MYOT: variants seen among roughly 807,000 people sequenced by gnomAD.
MYOT encodes myotilin.
A neutral mutation model predicts 58.0 loss-of-function variants in MYOT; 36 were observed. The observed-to-expected ratio is 0.62, with a 90% CI of 0.48 to 0.82. MYOT has a LOEUF of 0.82. Among genes scored for constraint, MYOT ranks in the 40% least tolerant of loss-of-function variants. The pLI is 0.00. For missense variants in MYOT, 505 were observed against 592.1 expected (o/e 0.85, Z 1.53); for synonymous variants, 218 against 204.6 (o/e 1.07, Z -0.56).
rs370165036 is a variant in MYOT, at chr5:137,877,551, G to T, written c.563G>T (p.Arg188Ile). 3.7e-6 allele frequency: 6 copies of T among 1,613,764 alleles called. No individual in the cohort carries two copies. Among genetic ancestry groups the T allele is most frequent in the Non-Finnish European group, 5.1e-6 (6 of 1,179,844 alleles). ...RLTYEEKMAR[R>I]LLGPQNAAAV... is the part of the protein sequence containing the mutation. Reference sequence around the variant, plus strand: ...ACATATGAAGAGAAGATGGCTCGCAGATTGCTAGGACCACAGAATGCAGCT... The same window carrying T: ...ACATATGAAGAGAAGATGGCTCGCATATTGCTAGGACCACAGAATGCAGCT... The change falls in exon 4 of 10, where the codon AGA becomes ATA. Residue 188 changes from arginine (R) to isoleucine (I), a missense_variant. By Grantham distance (97) the Arg-to-Ile change is moderately conservative (BLOSUM62 -3). Coordinates refer to ENST00000239926, the MANE Select transcript of MYOT (RefSeq NM_006790.3).
chr5:137,882,201 T>A, intron 6 of MYOT, 96 bp downstream of exon 6: 1 of 1,351,662 alleles, frequency 7.4e-7, no homozygotes, highest in Non-Finnish European at 1.1e-6. Context: ...TGCAAAGCAG[T>A]ACGTACAATG....
chr5:137,887,407 A>T lies in MYOT; in HGVS notation c.*22A>T. On this transcript the variant is annotated 3_prime_UTR_variant, in exon 10 of 10. Transcript: ENST00000239926. ...TTAATAACTTTACCAACATTGGAAA[A>T]CAGCCAACTACACCATTAGTAATAT... The T allele has an allele frequency of 6.2e-7, 1 of 1,609,370 alleles. No individual in the cohort carries two copies. Among genetic ancestry groups the T allele is most frequent in the Non-Finnish European group, 8.5e-7 (1 of 1,175,918 alleles).
intron 3 of MYOT, among the ~76,000 whole-genome samples, chr5:137,877,205 A>G (rs1755254930): frequency 6.6e-6 from 1 of 151,914 alleles, no homozygotes; most frequent in South Asian, 2.1e-4. Context: ...CGTCTCTACT[A>G]AAAATACAAA....
chr5:137,880,748 C>A, intron 4 of MYOT, 68 bp from the exon 5 acceptor site: 2 of 1,262,222 alleles, frequency 1.6e-6, no homozygotes, highest in Non-Finnish European at 2.3e-6. Context: ...TCAACTGTAA[C>A]TACTTAATTC....
At chr5:137,883,650 A>G (rs762379783) in intron 7 of MYOT, 59 bp downstream of exon 7, 45 of 1,488,950 alleles carry the variant, frequency 3.0e-5, no homozygotes, top group Non-Finnish European at 4.1e-5. Flanking sequence ...TGAAAAAAAG[A>G]AAGTATTTTA....
intron 9 of MYOT, 55 bp from the exon 10 acceptor site, chr5:137,887,158 G>T: frequency 1.2e-6 from 2 of 1,606,582 alleles, no homozygotes; most frequent in South Asian, 1.1e-5. Flanking sequence ...TACCTAGTGT[G>T]ACCAATTTGG....
intron 4 of MYOT, among the ~76,000 whole-genome samples, chr5:137,879,118 A>G (rs927212171): frequency 6.6e-6 from 1 of 152,090 alleles, no homozygotes; most frequent in Non-Finnish European, 1.5e-5. Flanking sequence ...ATTTTTTAGC[A>G]GAGACGGTGA....
chr5:137,868,627 A>T (rs1404005696), intron 1 of MYOT, among the ~76,000 whole-genome samples: 3 of 152,212 alleles, frequency 2.0e-5, no homozygotes, highest in Non-Finnish European at 4.4e-5. Flanking sequence ...AATATATGTA[A>T]AGAAAAAAAG....
intron 6 of MYOT, among the ~76,000 whole-genome samples, chr5:137,882,447 A>C (rs537410599): frequency 6.6e-6 from 1 of 151,748 alleles, no homozygotes; most frequent in African/African-American, 2.4e-5. Context: ...TTAAAGTACA[A>C]TGCCCTTTTT....
intron 7 of MYOT, among the ~76,000 whole-genome samples, chr5:137,885,169 C>G (rs1264261145): frequency 1.3e-5 from 2 of 152,176 alleles, no homozygotes; most frequent in African/African-American, 4.8e-5. Context: ...TTCCTGTCTC[C>G]CCTCAGGTAG....
chr5:137,879,780 C>T (rs967381989), intron 4 of MYOT, among the ~76,000 whole-genome samples: 2 of 150,880 alleles, frequency 1.3e-5, no homozygotes, highest in African/African-American at 4.9e-5. Flanking sequence ...TCATGATCCA[C>T]CTGCCTCGGC....
In MYOT at chr5:137,887,480, T is replaced by G. The variant is rs1485629299; in HGVS notation, c.*95T>G. On this transcript the variant is annotated 3_prime_UTR_variant, in exon 10 of 10. Transcript: ENST00000239926. Reference sequence around the variant, plus strand: ...TTAATCCATAGCTGTATTAACAGATTATGGTTTTAATTAGGTAATATAGTT... The same window carrying G: ...TTAATCCATAGCTGTATTAACAGATGATGGTTTTAATTAGGTAATATAGTT... 1.7e-6 allele frequency: 2 copies of G among 1,196,734 alleles called. No individual in the cohort carries two copies. Among genetic ancestry groups the G allele is most frequent in the Non-Finnish European group, 2.4e-6 (2 of 828,814 alleles). 74.1% of individuals were successfully genotyped at this position (1,196,734 alleles called of 1,614,324 possible). A position where few individuals can be genotyped will look rare whatever the true frequency, so the allele number is the denominator to read the frequency against.
intron 6 of MYOT, chr5:137,883,042 C>G (rs2149987671): frequency 3.7e-6 from 1 of 268,044 alleles, no homozygotes; most frequent in Non-Finnish European, 7.2e-6. Flanking sequence ...ACTTCATTTG[C>G]AGTCACATTT....
At position 137,887,519 on chromosome 5, in the gene MYOT, A is replaced by T; in HGVS notation, c.*134A>T. 1 of 611,342 alleles carries T rather than the reference A, an allele frequency of 1.6e-6. No individual in the cohort carries two copies. The highest frequency in any genetic ancestry group is 2.4e-6 in the Non-Finnish European group (1 of 410,834). The allele number at this position is 611,342 out of a possible 1,614,324, so 37.9% of individuals were successfully genotyped here. A position where few individuals can be genotyped will look rare whatever the true frequency, so the allele number is the denominator to read the frequency against. On this transcript the variant is annotated 3_prime_UTR_variant, in exon 10 of 10. Coordinates refer to ENST00000239926, the MANE Select transcript of MYOT (RefSeq NM_006790.3). Reference sequence around the variant, plus strand: ...GGTAATATAGTTAATATATATTTATAATATTATTTATCCTTTGACTCTTGC... The same window carrying T: ...GGTAATATAGTTAATATATATTTATTATATTATTTATCCTTTGACTCTTGC...
intron 4 of MYOT, among the ~76,000 whole-genome samples, chr5:137,878,014 T>C (rs1755288231): frequency 6.6e-6 from 1 of 152,202 alleles, no homozygotes; most frequent in African/African-American, 2.4e-5. Context: ...ATAAGCTGTT[T>C]AACATTTCAA....
chr5:137,882,319 G>A (rs947325846), intron 6 of MYOT, among the ~76,000 whole-genome samples: 1 of 152,120 alleles, frequency 6.6e-6, no homozygotes, highest in Non-Finnish European at 1.5e-5. Context: ...CTGTGCTTTT[G>A]TCTCCTCATC....
chr5:137,881,741 G>A (rs1755436934), intron 5 of MYOT, among the ~76,000 whole-genome samples: 1 of 151,874 alleles, frequency 6.6e-6, no homozygotes, highest in South Asian at 2.1e-4. Flanking sequence ...CTGTCATCCA[G>A]GCTGGAGTGC....
At position 137,887,539 on chromosome 5, in the gene MYOT, T is replaced by C. The variant is rs1282491320; in HGVS notation, c.*154T>C. 2.1e-6 allele frequency: 1 copy of C among 480,778 alleles called. No individual in the cohort carries two copies. The highest frequency in any genetic ancestry group is 2.1e-5 in the African/African-American group (1 of 48,450). 29.8% of individuals were successfully genotyped at this position (480,778 alleles called of 1,614,324 possible). ...TTTATAATATTATTTATCCTTTGACTCTTGCACATTCTATGTACCCCTCCG... is the reference window on the plus strand; with the variant it reads ...TTTATAATATTATTTATCCTTTGACCCTTGCACATTCTATGTACCCCTCCG... On this transcript the variant is annotated 3_prime_UTR_variant, in exon 10 of 10. Coordinates refer to ENST00000239926, the MANE Select transcript of MYOT (RefSeq NM_006790.3).
At chr5:137,875,780 T>C (rs372949565) in intron 2 of MYOT, 49 bp from the exon 3 acceptor site, 165 of 1,593,994 alleles carry the variant, frequency 1.0e-4, no homozygotes, top group Non-Finnish European at 1.3e-4. Flanking sequence ...ATTTGCAAAA[T>C]GAGGCCAAGA....
Sources: gnomAD v4.1 joint callset for allele counts (sites outside exome capture counted in the v4.1 genomes callset) on GRCh38, gnomAD v4.1.1 for gene constraint, MANE v1.5 for transcripts, NCBI Gene and HGNC (gene_info 2026-07-23, HGNC 2026-07-21) for gene names.